A4GALT: variants seen among roughly 807,000 people sequenced by gnomAD.
A4GALT encodes lactosylceramide 4-alpha-galactosyltransferase.
For missense variants in A4GALT, 512 were observed against 486.0 expected, an observed-to-expected ratio of 1.05 and a Z score of -0.50; for synonymous variants, 257 against 220.7, an observed-to-expected ratio of 1.16 and a Z score of -1.46.
chr22:42,710,622 A>G (rs775507355), intron 1 of A4GALT, among the ~76,000 whole-genome samples: 13 of 152,072 alleles, frequency 8.5e-5, no homozygotes, highest in Non-Finnish European at 1.3e-4. Context: ...GTTTGAGCCC[A>G]GGAGGGGGAG....
chr22:42,716,866 C>T (rs180727996), intron 1 of A4GALT, among the ~76,000 whole-genome samples: 4 of 152,122 alleles, frequency 2.6e-5, no homozygotes, highest in African/African-American at 7.2e-5. Flanking sequence ...CTCTGGGTCC[C>T]GTAACTATAT....
chr22:42,703,134 G>GTGTT (rs1920936180), intron 1 of A4GALT, among the ~76,000 whole-genome samples: 1 of 150,840 alleles, frequency 6.6e-6, no homozygotes, highest in Non-Finnish European at 1.5e-5. Context: ...GTGTGTGTGT[G>GTGTT]TGTGTGTGTT....
chr22:42,693,693 G>T lies in A4GALT; in HGVS notation c.259C>A (p.Arg87=), dbSNP rs368358748. 2 of 1,602,002 alleles carry T rather than the reference G, an allele frequency of 1.2e-6. No individual in the cohort carries two copies. Among genetic ancestry groups the T allele is most frequent in the Admixed American group, 3.4e-5 (2 of 59,398 alleles). Residue 87 remains arginine (R), a synonymous_variant, in exon 3 of 3, where the codon CGG becomes AGG. Transcript: ENST00000642412. ...GNIFFLETSD[R]TNPNFLFMCS... Reference sequence around the variant, plus strand: ...ATGAACAGGAAGTTGGGGTTGGTCCGGTCTGAAGTCTCCAGGAAGAAGATG... The same window carrying T: ...ATGAACAGGAAGTTGGGGTTGGTCCTGTCTGAAGTCTCCAGGAAGAAGATG...
chr22:42,702,467 A>G (rs1920928851), intron 1 of A4GALT, among the ~76,000 whole-genome samples: 1 of 151,404 alleles, frequency 6.6e-6, no homozygotes, highest in African/African-American at 2.4e-5. Flanking sequence ...TCAGCCTCCC[A>G]AGTACTACAG....
In A4GALT at chr22:42,693,959, C is replaced by G; in HGVS notation, c.-8G>C. 6.4e-7 allele frequency: 1 copy of G among 1,566,930 alleles called. No individual in the cohort carries two copies. Among genetic ancestry groups the G allele is most frequent in the Non-Finnish European group, 8.6e-7 (1 of 1,156,626 alleles). ...GTCGGGGGGCTTGGACATGGTATCC[C>G]CAGATCAGACCAGGAGCTTCCAGCA... On this transcript the variant is annotated 5_prime_UTR_variant, in exon 3 of 3. Transcript: ENST00000642412.
intron 1 of A4GALT, among the ~76,000 whole-genome samples, chr22:42,709,088 G>C (rs1921446086): frequency 2.1e-5 from 2 of 96,868 alleles, no homozygotes; most frequent in Non-Finnish European, 2.6e-5. Context: ...GACAGGGTCT[G>C]CTGTCACCCA....
rs1930718290 is a variant in A4GALT at position 42,693,902 on chromosome 22, C to T, written c.50G>A (p.Arg17Lys). ...LLLRLLRGAP[R>K]QRVCTLFIIG... ...GATGAACAGGGTGCAGACCCGCTGC[C>T]TTGGGGCGCCCCGGAGCAGCCGCAG... Residue 17 changes from arginine (R) to lysine (K), a missense_variant, in exon 3 of 3, where the codon AGG becomes AAG. Arg to Lys is a conservative substitution (Grantham distance 26). Transcript: ENST00000642412. 1 of 1,608,122 alleles carries T rather than the reference C, an allele frequency of 6.2e-7. No homozygotes were observed. Among genetic ancestry groups the T allele is most frequent in the Non-Finnish European group, 8.5e-7 (1 of 1,178,070 alleles).
rs187466399 is a variant in A4GALT at position 42,692,884 on chromosome 22, G to A, written c.*6C>T. The A allele has an allele frequency of 9.9e-5, 159 of 1,599,850 alleles. No homozygotes were observed. The East Asian group carries it at 3.5e-3, about 35-fold the overall frequency. ...AGCAGGTTGGGGAGGTGACCTGGCG[G>A]GCCCCTCACAAGTACATTTTCATGG... On this transcript the variant is annotated 3_prime_UTR_variant, in exon 3 of 3. Coordinates refer to ENST00000642412, the MANE Select transcript of A4GALT (RefSeq NM_017436.7). The surrounding 1 kb of genome is among the most constrained non-coding windows in gnomAD (Gnocchi z 4.6).
At chr22:42,694,275 T>C (rs910030210) in intron 2 of A4GALT, among the ~76,000 whole-genome samples, 8 of 152,244 alleles carry the variant, frequency 5.3e-5, no homozygotes. Flanking sequence ...ACCCATGGTG[T>C]GTAACCATCA....
At chr22:42,716,137 AAT>A (rs1922156508) in intron 1 of A4GALT, among the ~76,000 whole-genome samples, 1 of 152,106 alleles carries the variant, frequency 6.6e-6, no homozygotes, top group Non-Finnish European at 1.5e-5. Flanking sequence ...CGGCCTCAGA[AAT>A]ATAATTTAAA....
chr22:42,702,101 C>T (rs1569045503), intron 1 of A4GALT, among the ~76,000 whole-genome samples: 1 of 142,350 alleles, frequency 7.0e-6, no homozygotes, highest in African/African-American at 3.1e-5. Context: ...AGGTTGGTGT[C>T]TCTCTCTCTC....
At chr22:42,714,554 G>C (rs927481330) in intron 1 of A4GALT, among the ~76,000 whole-genome samples, 9 of 151,258 alleles carry the variant, frequency 6.0e-5, no homozygotes, top group Non-Finnish European at 1.5e-5. Context: ...ACAGAGCAAG[G>C]TCCTGTCTCA....
chr22:42,700,156 G>A lies in A4GALT; in HGVS notation c.-187-4525C>T, dbSNP rs748360362. 5.9e-5 allele frequency among the ~76,000 whole-genome samples: 9 copies of A among 152,196 alleles called. No individual in the cohort carries two copies. The East Asian group carries it at 9.7e-4, about 16-fold the overall frequency. ...TGGTGGGACCAGATGGGGCCACCGC[G>A]CCCAGCGCAGCCCTCGTCCCCTGGA... On this transcript the variant is annotated intron_variant, in intron 1 of 2. Coordinates refer to ENST00000642412, the MANE Select transcript of A4GALT (RefSeq NM_017436.7).
upstream of A4GALT, chr22:42,721,097 A>G (rs1225308383): frequency 1.3e-5 from 2 of 152,148 alleles, no homozygotes; most frequent in Admixed American, 6.5e-5. Flanking sequence ...CGCCGCCAGT[A>G]TTACGGGTTA....
chr22:42,705,371 T>A (rs1400062699), intron 1 of A4GALT, among the ~76,000 whole-genome samples: 2 of 151,142 alleles, frequency 1.3e-5, no homozygotes, highest in African/African-American at 2.4e-5. Flanking sequence ...GGGCCCGAGG[T>A]GGGTGGATCA....
At chr22:42,708,248 G>A (rs1342554296) in intron 1 of A4GALT, among the ~76,000 whole-genome samples, 4 of 152,130 alleles carry the variant, frequency 2.6e-5, no homozygotes, top group African/African-American at 9.7e-5. Flanking sequence ...TTAGCCGGGT[G>A]TGGTGGCGCC....
chr22:42,705,399 G>A (rs1274777051), intron 1 of A4GALT, among the ~76,000 whole-genome samples: 3 of 151,618 alleles, frequency 2.0e-5, no homozygotes, highest in African/African-American at 4.8e-5. Context: ...TCGGGAGTTC[G>A]AGACCAGCCT....
At chr22:42,717,354 C>T (rs1211367591) in intron 1 of A4GALT, among the ~76,000 whole-genome samples, 1 of 152,136 alleles carries the variant, frequency 6.6e-6, no homozygotes, top group Non-Finnish European at 1.5e-5. Flanking sequence ...CTCCTCCCTG[C>T]GTAGTCATCA....
chr22:42,715,411 C>T (rs1221133878), intron 1 of A4GALT, among the ~76,000 whole-genome samples: 1 of 152,102 alleles, frequency 6.6e-6, no homozygotes, highest in Non-Finnish European at 1.5e-5. Context: ...TAGAAGTGAG[C>T]CCTCTGGGTC....
Sources: gnomAD v4.1 joint callset for allele counts (sites outside exome capture counted in the v4.1 genomes callset) on GRCh38, gnomAD v4.1.1 for gene constraint, Gnocchi (gnomAD v3.1) non-coding constraint, MANE v1.5 for transcripts, NCBI Gene and HGNC (gene_info 2026-07-23, HGNC 2026-07-21) for gene names.